Variants in PSMB1 observed in about 807,000 individuals in gnomAD.
PSMB1 encodes proteasome subunit beta type-1.
A neutral mutation model predicts 25.4 loss-of-function variants in PSMB1; 7 were observed. The observed-to-expected ratio is 0.28, with a 90% CI of 0.16 to 0.52. The LOEUF is 0.52. PSMB1 is among the 20% of genes least tolerant of loss of function. The pLI is 0.97. For missense variants in PSMB1, 284 were observed against 302.2 expected (o/e 0.94, Z 0.45); for synonymous variants, 119 against 115.0 (o/e 1.03, Z -0.22).
intron 2 of PSMB1, among the ~76,000 whole-genome samples, chr6:170,548,144 T>G (rs137985495): frequency 1.0e-3 from 152 of 152,254 alleles, no homozygotes; most frequent in African/African-American, 3.4e-3. Flanking sequence ...AAAACAAACT[T>G]CATTGCTTTT....
intron 3 of PSMB1, among the ~76,000 whole-genome samples, 164 bp downstream of exon 3, chr6:170,545,939 A>C (rs1457207603): frequency 6.6e-6 from 1 of 152,202 alleles, no homozygotes; most frequent in Non-Finnish European, 1.5e-5. Flanking sequence ...TACTTTAATG[A>C]CCCTGCATTA....
chr6:170,552,867 A>C (rs896430236), intron 1 of PSMB1, among the ~76,000 whole-genome samples: 1 of 152,238 alleles, frequency 6.6e-6, no homozygotes, highest in Non-Finnish European at 1.5e-5. Flanking sequence ...ATAAAAACTC[A>C]AATGACATGA....
At chr6:170,542,295 T>C (rs1260191455) in intron 4 of PSMB1, among the ~76,000 whole-genome samples, 1 of 152,138 alleles carries the variant, frequency 6.6e-6, no homozygotes, top group Non-Finnish European at 1.5e-5. Flanking sequence ...CAGAAAGCGA[T>C]AGGAGTCAAC....
At chr6:170,548,516 T>C (rs1778851462) in intron 2 of PSMB1, among the ~76,000 whole-genome samples, 1 of 151,078 alleles carries the variant, frequency 6.6e-6, no homozygotes, top group Non-Finnish European at 1.5e-5. Flanking sequence ...AAAAAAAAAG[T>C]GTGGGGAGGC....
chr6:170,550,468 G>A (rs1778877214), intron 1 of PSMB1: 1 of 152,288 alleles, frequency 6.6e-6, no homozygotes, highest in Non-Finnish European at 1.5e-5. Context: ...CTACTCAAGA[G>A]GCTGAGGTGG....
intron 1 of PSMB1, among the ~76,000 whole-genome samples, chr6:170,551,859 G>A (rs1254128580): frequency 2.0e-5 from 3 of 152,128 alleles, no homozygotes; most frequent in Non-Finnish European, 2.9e-5. Context: ...ATGACAGCTT[G>A]CAATTTACAA....
At chr6:170,543,568 C>A (rs1312502958) in intron 4 of PSMB1, 33 bp downstream of exon 4, 3 of 1,567,928 alleles carry the variant, frequency 1.9e-6, no homozygotes, top group African/African-American at 2.7e-5. Context: ...TAACTCCTCC[C>A]CCCCACCATT....
At chr6:170,537,971 G>A (rs569525385) in intron 4 of PSMB1, among the ~76,000 whole-genome samples, 153 of 152,288 alleles carry the variant, frequency 1.0e-3, no homozygotes, top group African/African-American at 3.6e-3. Context: ...GGACACATCC[G>A]CAAGACACAG....
Position 170,549,107 on chromosome 6 carries a change from T to C in PSMB1, c.120A>G (p.Ile40Met), listed in dbSNP as rs1778859240. Residue 40 changes from isoleucine to methionine, a missense_variant, in exon 2 of 6, where the codon ATA becomes ATG. Transcript: ENST00000262193. ...CAAAATCTTCTCCAGCAATTGCCAG[T>C]ATAGTACTGAGGAAAAAAGAAAAAA... ...FSPYVFNGGT[I>M]LAIAGEDFAI... is the part of the protein sequence containing the mutation. The C allele has an allele frequency of 6.2e-7, 1 of 1,608,164 alleles. No homozygotes were observed. Among genetic ancestry groups the C allele is most frequent in the African/African-American group, 1.3e-5 (1 of 74,750 alleles).
intron 1 of PSMB1, chr6:170,550,101 C>T (rs1188391669): frequency 1.3e-5 from 2 of 152,182 alleles, no homozygotes; most frequent in Non-Finnish European, 2.9e-5. Flanking sequence ...ATAACCACTG[C>T]TTCAATGCAA....
rs750354469 is a variant in PSMB1, at chr6:170,546,194, G to C, written c.222-10C>G. The C allele has an allele frequency of 1.2e-6, 2 of 1,612,264 alleles. No individual in the cohort carries two copies. The highest frequency in any genetic ancestry group is 2.7e-5 in the African/African-American group (2 of 74,870). On this transcript the variant is annotated splice_polypyrimidine_tract_variant and intron_variant, in intron 2 of 5. Coordinates refer to ENST00000262193, the MANE Select transcript of PSMB1 (RefSeq NM_002793.4). ...GACTGTTTTGTCTGTTCTGTAAAAA[G>C]CACATTTCAGAAAACTGAGCTGGTT... is the stretch of plus-strand genomic sequence containing the variant.
Position 170,543,662 on chromosome 6 carries a change from C to G in PSMB1, c.372G>C (p.Leu124=), listed in dbSNP as rs1298368314. 1 of 1,611,620 alleles carries G rather than the reference C, an allele frequency of 6.2e-7. No homozygotes were observed. The highest frequency in any genetic ancestry group is 1.1e-5 in the South Asian group (1 of 91,012). ...GAIAAMLSTI[L]YSRRFFPYYV... ...AGTATGGAAAGAAGCGCCTTGAATA[C>G]AGGATTGTAGACAGCATTGCAGCAA... Residue 124 remains leucine (L), a synonymous_variant, in exon 4 of 6, where the codon CTG becomes CTC. Coordinates refer to ENST00000262193, the MANE Select transcript of PSMB1 (RefSeq NM_002793.4).
chr6:170,543,676 G>A lies in PSMB1; in HGVS notation c.358C>T (p.Leu120=), dbSNP rs2114978167. Residue 120 remains leucine, a synonymous_variant, in exon 4 of 6, where the codon CTG becomes TTG. Coordinates refer to ENST00000262193, the MANE Select transcript of PSMB1 (RefSeq NM_002793.4). ...CGCCTTGAATACAGGATTGTAGACA[G>A]CATTGCAGCAATTGCCCCCGTAGTC... is the stretch of plus-strand genomic sequence containing the variant. ...AMTTGAIAAM[L]STILYSRRFF... is the part of the protein sequence containing the mutation. 1 of 1,611,950 alleles carries A rather than the reference G, an allele frequency of 6.2e-7. No individual in the cohort carries two copies.
intron 3 of PSMB1, among the ~76,000 whole-genome samples, chr6:170,544,901 T>G (rs190364173): frequency 1.3e-5 from 2 of 152,048 alleles, no homozygotes; most frequent in African/African-American, 2.4e-5. Context: ...TCCCAGCACT[T>G]TGGGAGGCCG....
At chr6:170,539,120 T>C (rs1778728734) in intron 4 of PSMB1, among the ~76,000 whole-genome samples, 1 of 151,936 alleles carries the variant, frequency 6.6e-6, no homozygotes, top group East Asian at 1.9e-4. Flanking sequence ...CAAAAATAAA[T>C]GTAGAATGGC....
rs772844241 is a variant in PSMB1 at position 170,535,408 on chromosome 6, G to T, written c.541-3C>A. On this transcript the variant is annotated splice_region_variant and splice_polypyrimidine_tract_variant and intron_variant, in intron 5 of 5. Transcript: ENST00000262193. The stretch of plus-strand genomic sequence containing the variant: ...TTCTGCATGTTCTTAAAACCAACCT[G>T]GTGGGACATGAAACTTGGGTGAGAT... The T allele has an allele frequency of 6.2e-7, 1 of 1,610,084 alleles. No individual in the cohort carries two copies. The highest frequency in any genetic ancestry group is 1.1e-5 in the South Asian group (1 of 90,810).
Position 170,552,100 on chromosome 6 carries a change from G to C in PSMB1, c.113+1030C>G, listed in dbSNP as rs555905689. 3.3e-5 allele frequency among the ~76,000 whole-genome samples: 5 copies of C among 152,340 alleles called. No individual in the cohort carries two copies. The East Asian group carries it at 9.6e-4, about 29-fold the overall frequency. ...TGTTTTTAAAATTTATTTTTGTAGA[G>C]ATGGGGTCTTGCTATGCTGCGCAGG... is the stretch of plus-strand genomic sequence containing the variant. On this transcript the variant is annotated intron_variant, in intron 1 of 5. Transcript: ENST00000262193.
At chr6:170,553,070 T>C (rs899912605) in intron 1 of PSMB1, 60 bp downstream of exon 1, 2 of 1,440,672 alleles carry the variant, frequency 1.4e-6, no homozygotes, top group South Asian at 1.2e-5. Context: ...GACTCCTAAA[T>C]AGGCTTCAGC....
intron 3 of PSMB1, among the ~76,000 whole-genome samples, chr6:170,543,986 C>A (rs1456839549): frequency 6.6e-6 from 1 of 152,112 alleles, no homozygotes. Context: ...AATCCAAGAG[C>A]TAATGTGTAT....
Sources: allele counts gnomAD v4.1 joint callset (sites outside exome capture counted in the v4.1 genomes callset), GRCh38; gene constraint gnomAD v4.1.1; transcripts MANE v1.5; gene names NCBI Gene and HGNC (gene_info 2026-07-23, HGNC 2026-07-21).